DCDC2C: variants seen among roughly 807,000 people sequenced by gnomAD.
The protein encoded by DCDC2C is doublecortin domain-containing protein 2C.
A neutral mutation model predicts 45.0 loss-of-function variants in DCDC2C; 44 were observed. The ratio of observed to expected loss-of-function variants is 0.98; its 90% CI spans 0.77 to 1.26. DCDC2C has a LOEUF of 1.26. DCDC2C is among the 50% of genes most tolerant of loss of function. DCDC2C has a pLI of 0.00. For synonymous variants in DCDC2C, 187 were observed against 178.8 expected (o/e 1.05, Z -0.37); for missense variants, 447 against 468.9 (o/e 0.95, Z 0.43).
In DCDC2C at chr2:3,818,026, G is replaced by A. The variant is rs1183247609; in HGVS notation, c.1066-29128G>A. The stretch of plus-strand genomic sequence containing the variant: ...CATGTGTGTTTTCATGAAGAATTAT[G>A]CCAAAATAGATAATGGATGAGGAAG... On this transcript the variant is annotated intron_variant, in intron 10 of 10. Coordinates refer to ENST00000399143, the MANE Select transcript of DCDC2C (RefSeq NM_001287444.2). The surrounding 1 kb of genome is among the most constrained non-coding windows in gnomAD (Gnocchi z 4.7). 1.3e-5 allele frequency among the ~76,000 whole-genome samples: 2 copies of A among 152,138 alleles called. No homozygotes were observed. The highest frequency in any genetic ancestry group is 4.8e-5 in the African/African-American group (2 of 41,428).
chr2:3,779,604 G>A (rs1471536338), intron 9 of DCDC2C, among the ~76,000 whole-genome samples: 1 of 152,182 alleles, frequency 6.6e-6, no homozygotes, highest in Non-Finnish European at 1.5e-5. Context: ...TTGTTTCAAG[G>A]TAGTCTCTTG....
At chr2:3,713,219 A>T (rs1668263589) in intron 2 of DCDC2C, among the ~76,000 whole-genome samples, 1 of 152,124 alleles carries the variant, frequency 6.6e-6, no homozygotes, top group Admixed American at 6.6e-5. Context: ...CATCGTAGGA[A>T]TTTTTTCTGA....
intron 6 of DCDC2C, among the ~76,000 whole-genome samples, chr2:3,758,285 G>A (rs114949512): frequency 0.017 from 2,644 of 152,286 alleles, 30 homozygotes; most frequent in Non-Finnish European, 0.029. Context: ...ACTCCTGTGG[G>A]CAGCCATGTT....
At chr2:3,772,485 G>C (rs562798685) in intron 8 of DCDC2C, among the ~76,000 whole-genome samples, 1 of 152,258 alleles carries the variant, frequency 6.6e-6, no homozygotes, top group Non-Finnish European at 1.5e-5. Context: ...CCCAGTACTT[G>C]TTAGTCAGTT....
chr2:3,820,480 GC>G lies in DCDC2C; in HGVS notation c.1066-26672del, dbSNP rs201202727. The stretch of plus-strand genomic sequence containing the variant: ...AAGCAGGCATCCCCGCAATCGACTT[GC>G]CACCAAGGGAATGTGGGTGAATGAC... On this transcript the variant is annotated intron_variant, in intron 10 of 10. Coordinates refer to ENST00000399143, the MANE Select transcript of DCDC2C (RefSeq NM_001287444.2). Among the ~76,000 whole-genome samples, 1,067 of 152,252 alleles carry G rather than the reference GC, an allele frequency of 7.0e-3. 12 individuals are homozygous for G. The highest frequency in any genetic ancestry group is 0.024 in the African/African-American group (1,010 of 41,552).
chr2:3,754,759 C>A (rs758761442), intron 6 of DCDC2C, 125 bp downstream of exon 6: 5 of 756,202 alleles, frequency 6.6e-6, no homozygotes, highest in Non-Finnish European at 1.1e-5. Context: ...AGGGCCTGGG[C>A]CAGCATCAGT....
intron 3 of DCDC2C, among the ~76,000 whole-genome samples, chr2:3,728,812 A>AG (rs1299823914): frequency 3.3e-5 from 5 of 152,226 alleles, no homozygotes; most frequent in Admixed American, 6.5e-5. Flanking sequence ...AGAGTTGGCG[A>AG]GGGAGTGAAT....
At chr2:3,845,177 AATAAT>A (rs1478180806) in intron 10 of DCDC2C, among the ~76,000 whole-genome samples, 2 of 152,200 alleles carry the variant, frequency 1.3e-5, no homozygotes, top group Non-Finnish European at 2.9e-5. Flanking sequence ...TAGAGCTAAT[AATAAT>A]AACGAACTCA....
intron 4 of DCDC2C, among the ~76,000 whole-genome samples, chr2:3,749,397 C>T (rs1015841149): frequency 2.0e-5 from 3 of 152,176 alleles, no homozygotes; most frequent in South Asian, 2.1e-4. Context: ...CAGTAAAAGC[C>T]GCCGTTCTCC....
intron 2 of DCDC2C, chr2:3,726,099 A>T (rs1668676324): frequency 6.6e-6 from 1 of 152,580 alleles, no homozygotes. Context: ...GCAGTGGCAG[A>T]CAGGGTCCCA....
intron 7 of DCDC2C, among the ~76,000 whole-genome samples, chr2:3,768,120 A>G (rs1670064778): frequency 6.6e-6 from 1 of 152,108 alleles, no homozygotes; most frequent in African/African-American, 2.4e-5. Context: ...AGATAAATAC[A>G]TATTTAAAAT....
intron 6 of DCDC2C, among the ~76,000 whole-genome samples, chr2:3,766,330 A>C (rs1350190547): frequency 6.6e-6 from 1 of 152,032 alleles, no homozygotes; most frequent in African/African-American, 2.4e-5. Context: ...ACACACACAC[A>C]CACGGTGTCT....
intron 8 of DCDC2C, among the ~76,000 whole-genome samples, chr2:3,777,664 T>C (rs538124983): frequency 1.3e-5 from 2 of 152,350 alleles, no homozygotes; most frequent in South Asian, 4.1e-4. Flanking sequence ...TATAGGAAGA[T>C]AATGCTCATA....
At chr2:3,750,003 C>T (rs1034474842) in intron 4 of DCDC2C, among the ~76,000 whole-genome samples, 2 of 151,976 alleles carry the variant, frequency 1.3e-5, no homozygotes, top group African/African-American at 4.8e-5. Context: ...CCCCTCTACC[C>T]CCCTCCACCC....
chr2:3,833,171 T>C (rs1671993895), intron 10 of DCDC2C, among the ~76,000 whole-genome samples: 1 of 152,228 alleles, frequency 6.6e-6, no homozygotes, highest in Non-Finnish European at 1.5e-5. Context: ...TTCTCTTCTG[T>C]CTTCCTCGTC....
intron 2 of DCDC2C, among the ~76,000 whole-genome samples, chr2:3,720,294 A>G (rs529180361): frequency 1.4e-4 from 22 of 152,336 alleles, no homozygotes; most frequent in Middle Eastern, 3.4e-3. Flanking sequence ...TGCGGAAAGT[A>G]TCAGAAACAT....
chr2:3,706,181 T>C (rs10196097), intron 1 of DCDC2C, among the ~76,000 whole-genome samples: 15,466 of 152,266 alleles, frequency 0.1, 1,685 homozygotes, highest in African/African-American at 0.27. Context: ...TAATTTTCAC[T>C]GGAAAATAAT....
intron 10 of DCDC2C, among the ~76,000 whole-genome samples, chr2:3,819,193 GAGTC>G (rs1260789335): frequency 2.0e-5 from 3 of 152,242 alleles, no homozygotes. Flanking sequence ...ATCTGGGAAA[GAGTC>G]AGTCAGAGAG....
intron 3 of DCDC2C, among the ~76,000 whole-genome samples, chr2:3,735,700 A>G (rs573487837): frequency 6.6e-6 from 1 of 152,266 alleles, no homozygotes; most frequent in African/African-American, 2.4e-5. Flanking sequence ...ATGGTAGGGA[A>G]TTCTAAAAAA....
Sources: allele counts gnomAD v4.1 joint callset (sites outside exome capture counted in the v4.1 genomes callset), GRCh38; gene constraint gnomAD v4.1.1; non-coding constraint Gnocchi (gnomAD v3.1); transcripts MANE v1.5; gene names NCBI Gene and HGNC (gene_info 2026-07-23, HGNC 2026-07-21).